Variants in KCTD8 observed in about 807,000 individuals in gnomAD.
KCTD8 encodes the protein potassium channel tetramerization domain containing 8.
A neutral mutation model predicts 31.5 loss-of-function variants in KCTD8; 27 were observed. That is an observed-to-expected ratio of 0.86 (90% CI 0.63 to 1.18). The LOEUF (loss-of-function observed/expected upper bound fraction) is 1.18. Ranked by LOEUF, KCTD8 falls within the 50% of genes most tolerant of loss-of-function variation. The pLI, the probability that KCTD8 is intolerant of heterozygous loss-of-function variation, is 0.00. For synonymous variants in KCTD8, 290 were observed against 280.0 expected, an observed-to-expected ratio of 1.04 and a Z score of -0.36; for missense variants, 658 against 647.7, an observed-to-expected ratio of 1.02 and a Z score of -0.17.
chr4:44,392,424 G>A (rs1420114326), intron 1 of KCTD8, among the ~76,000 whole-genome samples: 1 of 151,840 alleles, frequency 6.6e-6, no homozygotes, highest in African/African-American at 2.4e-5. Context: ...TCAGCTTGTG[G>A]GTTAAGATTT....
At chr4:44,333,565 T>A (rs1718642942) in intron 1 of KCTD8, among the ~76,000 whole-genome samples, 1 of 152,082 alleles carries the variant, frequency 6.6e-6, no homozygotes, top group Non-Finnish European at 1.5e-5. Context: ...CTAACAGTTG[T>A]TTCAGCAATG....
At chr4:44,321,725 C>T (rs753722599) in intron 1 of KCTD8, among the ~76,000 whole-genome samples, 2 of 152,014 alleles carry the variant, frequency 1.3e-5, no homozygotes, top group African/African-American at 2.4e-5. Flanking sequence ...TATTGTTGTA[C>T]CCATTAACAA....
intron 1 of KCTD8, among the ~76,000 whole-genome samples, chr4:44,330,392 G>A (rs1718565714): frequency 6.6e-6 from 1 of 151,624 alleles, no homozygotes; most frequent in Admixed American, 6.6e-5. Flanking sequence ...TCTCTTCTTA[G>A]TTTATGACTT....
chr4:44,414,156 T>C (rs1405152608), intron 1 of KCTD8, among the ~76,000 whole-genome samples: 1 of 151,518 alleles, frequency 6.6e-6, no homozygotes, highest in East Asian at 1.9e-4. Flanking sequence ...AATTTGTTTA[T>C]AGCAGCAATA....
In KCTD8 at chr4:44,355,227, AT is replaced by A. The variant is rs575502747; in HGVS notation, c.961+92335del. 2.6e-5 allele frequency among the ~76,000 whole-genome samples: 4 copies of A among 152,214 alleles called. No individual in the cohort carries two copies. In the South Asian group the frequency reaches 6.2e-4, roughly 24 times the overall value. On this transcript the variant is annotated intron_variant, in intron 1 of 1. Coordinates refer to ENST00000360029, the MANE Select transcript of KCTD8 (RefSeq NM_198353.3). ...GTTGAAAGAGAATTATCAAAACATG[AT>A]TTTTTTCTGTCTTTTAAAACAGAGA...
At chr4:44,424,640 G>GA (rs1211123576) in intron 1 of KCTD8, among the ~76,000 whole-genome samples, 1 of 151,880 alleles carries the variant, frequency 6.6e-6, no homozygotes, top group Admixed American at 6.6e-5. Context: ...CTTTAGCCCA[G>GA]AAAAACTAAA....
chr4:44,298,351 G>T (rs1332742436), intron 1 of KCTD8, among the ~76,000 whole-genome samples: 4 of 152,062 alleles, frequency 2.6e-5, no homozygotes, highest in African/African-American at 9.6e-5. Flanking sequence ...ATTTCTACAG[G>T]GAAGTGGCAA....
chr4:44,195,462 T>C (rs1220842188), intron 1 of KCTD8, among the ~76,000 whole-genome samples: 1 of 152,172 alleles, frequency 6.6e-6, no homozygotes, highest in Non-Finnish European at 1.5e-5. Context: ...CAAGTGAAAC[T>C]GTAAGGTTAA....
chr4:44,184,484 T>A (rs1383200610), intron 1 of KCTD8, among the ~76,000 whole-genome samples: 1 of 151,704 alleles, frequency 6.6e-6, no homozygotes, highest in Non-Finnish European at 1.5e-5. Flanking sequence ...AGAAACATGG[T>A]CATATTCCTT....
chr4:44,446,728 C>T (rs924637650), intron 1 of KCTD8, among the ~76,000 whole-genome samples: 1 of 152,206 alleles, frequency 6.6e-6, no homozygotes, highest in Admixed American at 6.5e-5. Context: ...CCCCCGCTTT[C>T]GCGCTGGAGA....
intron 1 of KCTD8, among the ~76,000 whole-genome samples, chr4:44,329,303 G>A (rs1718533206): frequency 6.6e-6 from 1 of 150,548 alleles, no homozygotes; most frequent in African/African-American, 2.5e-5. Context: ...TTCTTAGGCA[G>A]TAAGAAACTA....
chr4:44,401,457 A>G (rs1720660617), intron 1 of KCTD8, among the ~76,000 whole-genome samples: 1 of 152,130 alleles, frequency 6.6e-6, no homozygotes, highest in African/African-American at 2.4e-5. Flanking sequence ...GGGACTTGAG[A>G]AAGTACAGTT....
chr4:44,237,759 TAAC>T (rs1715335026), intron 1 of KCTD8, among the ~76,000 whole-genome samples: 1 of 152,216 alleles, frequency 6.6e-6, no homozygotes, highest in Admixed American at 6.5e-5. Context: ...GCACATTTTG[TAAC>T]AACTTTAATC....
At chr4:44,368,114 T>C (rs1202503638) in intron 1 of KCTD8, among the ~76,000 whole-genome samples, 4 of 152,140 alleles carry the variant, frequency 2.6e-5, no homozygotes, top group Non-Finnish European at 4.4e-5. Flanking sequence ...TGGTGGCTCA[T>C]GCCTGTAATC....
intron 1 of KCTD8, among the ~76,000 whole-genome samples, chr4:44,376,544 G>A (rs1719921182): frequency 6.6e-6 from 1 of 152,088 alleles, no homozygotes; most frequent in Admixed American, 6.5e-5. Flanking sequence ...TTTCTACTGG[G>A]ACCAAGACAA....
chr4:44,379,602 G>A (rs1560440272), intron 1 of KCTD8, among the ~76,000 whole-genome samples: 2 of 152,046 alleles, frequency 1.3e-5, no homozygotes, highest in Non-Finnish European at 2.9e-5. Context: ...GCATGAAAGG[G>A]AGAAAAGATG....
At chr4:44,439,506 T>C (rs957670019) in intron 1 of KCTD8, among the ~76,000 whole-genome samples, 2 of 152,196 alleles carry the variant, frequency 1.3e-5, no homozygotes, top group African/African-American at 4.8e-5. Flanking sequence ...TCTGTTGTTA[T>C]TACCAGCAAA....
At chr4:44,442,707 A>G (rs1203657584) in intron 1 of KCTD8, among the ~76,000 whole-genome samples, 2 of 152,088 alleles carry the variant, frequency 1.3e-5, no homozygotes, top group African/African-American at 4.8e-5. Flanking sequence ...AGTCAAATAG[A>G]TAATAATTAA....
intron 1 of KCTD8, among the ~76,000 whole-genome samples, chr4:44,288,623 C>G (rs2109383490): frequency 1.3e-5 from 2 of 152,164 alleles, no homozygotes; most frequent in East Asian, 3.9e-4. Flanking sequence ...CTTAAATTTA[C>G]AGGTAACTTT....
Sources: allele counts gnomAD v4.1 joint callset (sites outside exome capture counted in the v4.1 genomes callset), GRCh38; gene constraint gnomAD v4.1.1; transcripts MANE v1.5; gene names NCBI Gene and HGNC (gene_info 2026-07-23, HGNC 2026-07-21).